GAS7: variants seen among roughly 807,000 people sequenced by gnomAD.
The protein encoded by GAS7 is growth arrest-specific protein 7.
A neutral mutation model predicts 71.1 loss-of-function variants in GAS7; 28 were observed. The ratio of observed to expected loss-of-function variants is 0.39; its 90% CI spans 0.29 to 0.54. The LOEUF (loss-of-function observed/expected upper bound fraction) is 0.54, where lower values mean the gene tolerates loss of function less well. Ranked by LOEUF, GAS7 falls within the 20% of genes least tolerant of loss-of-function variation. The pLI is 0.62. For synonymous variants in GAS7, 258 were observed against 245.8 expected, an observed-to-expected ratio of 1.05 and a Z score of -0.46; for missense variants, 436 against 627.8, an observed-to-expected ratio of 0.69 and a Z score of 3.27.
intron 1 of GAS7, among the ~76,000 whole-genome samples, chr17:10,070,256 C>T (rs1413170796): frequency 6.6e-6 from 1 of 151,818 alleles, no homozygotes; most frequent in Non-Finnish European, 1.5e-5. Flanking sequence ...ACTTTTGTGG[C>T]CACTAAGTCC....
chr17:10,030,200 T>C (rs1004936076), intron 1 of GAS7, among the ~76,000 whole-genome samples: 3 of 152,152 alleles, frequency 2.0e-5, no homozygotes, highest in Non-Finnish European at 2.9e-5. Flanking sequence ...CTCTACCGGG[T>C]TGTATTGGCC....
chr17:10,040,594 C>G (rs7215569), intron 1 of GAS7, among the ~76,000 whole-genome samples: 18,496 of 148,156 alleles, frequency 0.12, 1,363 homozygotes, highest in East Asian at 0.17. Flanking sequence ...TCTCTCTCCC[C>G]CCTCTCACCC....
At chr17:10,098,881 G>A (rs368738402) in intron 1 of GAS7, among the ~76,000 whole-genome samples, 8 of 152,248 alleles carry the variant, frequency 5.3e-5, no homozygotes, top group African/African-American at 7.2e-5. Context: ...GCGTGAACCC[G>A]GTAGGCGGAG....
chr17:9,920,633 C>A (rs957057902), intron 11 of GAS7, among the ~76,000 whole-genome samples: 2 of 152,204 alleles, frequency 1.3e-5, no homozygotes, highest in African/African-American at 4.8e-5. Flanking sequence ...GAATCAGAGA[C>A]TGCATGTTTA....
At chr17:10,193,766 G>T (rs2074519433) in intron 1 of GAS7, among the ~76,000 whole-genome samples, 1 of 152,114 alleles carries the variant, frequency 6.6e-6, no homozygotes, top group South Asian at 2.1e-4. Context: ...CAGTCTAGTT[G>T]AGCCTCCAAG....
Position 10,103,694 on chromosome 17 carries a change from C to T in GAS7, c.184-83797G>A, listed in dbSNP as rs899436664. On this transcript the variant is annotated intron_variant, in intron 1 of 13. Coordinates refer to ENST00000432992, the MANE Select transcript of GAS7 (RefSeq NM_201433.2). The surrounding 1 kb of genome is among the most constrained non-coding windows in gnomAD (Gnocchi z 5.5). Reference sequence around the variant, plus strand: ...TACAAAAATTAGCTGGGTGTGGTGGCACATGCCTGTAATCCCGGCTACTAG... The same window carrying T: ...TACAAAAATTAGCTGGGTGTGGTGGTACATGCCTGTAATCCCGGCTACTAG... Among the ~76,000 whole-genome samples, 28 of 152,040 alleles carry T rather than the reference C, an allele frequency of 1.8e-4. No individual in the cohort carries two copies. The highest frequency in any genetic ancestry group is 3.5e-4 in the Non-Finnish European group (24 of 68,010).
intron 1 of GAS7, among the ~76,000 whole-genome samples, chr17:10,045,798 C>G (rs1458709412): frequency 6.6e-6 from 1 of 152,182 alleles, no homozygotes; most frequent in Admixed American, 6.5e-5. Flanking sequence ...GCTTGGTTTC[C>G]CCTTCCTGCA....
At chr17:10,154,813 T>C (rs933100477) in intron 1 of GAS7, among the ~76,000 whole-genome samples, 7 of 151,724 alleles carry the variant, frequency 4.6e-5, no homozygotes, top group African/African-American at 1.7e-4. Flanking sequence ...TCACTATAGG[T>C]GAAAAGTGGT....
intron 1 of GAS7, among the ~76,000 whole-genome samples, chr17:10,056,147 T>TA (rs146061417): frequency 0.064 from 9,715 of 151,968 alleles, 652 homozygotes; most frequent in African/African-American, 0.18. Flanking sequence ...TCGCTTGAGT[T>TA]AAGGAGTTTG....
chr17:10,045,541 A>G (rs1051843256), intron 1 of GAS7, among the ~76,000 whole-genome samples: 3 of 152,162 alleles, frequency 2.0e-5, no homozygotes, highest in Non-Finnish European at 2.9e-5. Flanking sequence ...TACTAAAAAT[A>G]TAAAAATTAG....
intron 5 of GAS7, among the ~76,000 whole-genome samples, chr17:9,956,593 G>C (rs1016070981): frequency 2.0e-5 from 3 of 152,104 alleles, no homozygotes; most frequent in Admixed American, 2.0e-4. Context: ...CCCCACACCA[G>C]GGACAGCGGA....
chr17:10,098,961 A>G (rs1228312446), intron 1 of GAS7, among the ~76,000 whole-genome samples: 1 of 152,210 alleles, frequency 6.6e-6, no homozygotes, highest in Non-Finnish European at 1.5e-5. Context: ...ATCTCAAAAA[A>G]AGAAAATAAA....
At chr17:10,047,033 T>C (rs2072985726) in intron 1 of GAS7, among the ~76,000 whole-genome samples, 1 of 152,130 alleles carries the variant, frequency 6.6e-6, no homozygotes, top group Admixed American at 6.5e-5. Flanking sequence ...GGATTTGCAC[T>C]GACCTGAACA....
chr17:10,127,167 C>T (rs1567602724), intron 1 of GAS7, among the ~76,000 whole-genome samples: 1 of 152,118 alleles, frequency 6.6e-6, no homozygotes, highest in African/African-American at 2.4e-5. Context: ...GCATTTTGAA[C>T]CCTAAATCAA....
At chr17:9,990,965 C>T (rs1425363176) in intron 2 of GAS7, among the ~76,000 whole-genome samples, 2 of 152,298 alleles carry the variant, frequency 1.3e-5, no homozygotes, top group Non-Finnish European at 2.9e-5. Context: ...TATTTGGCCT[C>T]GGTTTCCCTG....
chr17:10,194,010 CCTGCAGCACAA>C (rs145993857), intron 1 of GAS7, among the ~76,000 whole-genome samples: 2,043 of 152,296 alleles, frequency 0.013, 23 homozygotes, highest in Middle Eastern at 0.027. Flanking sequence ...CTTATCAACT[CCTGCAGCACAA>C]CTGCATGAAC....
chr17:9,981,713 G>T lies in GAS7; in HGVS notation c.385+91C>A. The T allele has an allele frequency of 1.3e-6, 1 of 793,630 alleles. No homozygotes were observed. The allele number at this position is 793,630 out of a possible 1,614,324, so 49.2% of individuals were successfully genotyped here. A position where few individuals can be genotyped will look rare whatever the true frequency, so the allele number is the denominator to read the frequency against. ...TCCCTGGGTTTGCTACATCAGCCAG[G>T]TTTAAGACCCAGGACCCATCATCTC... On this transcript the variant is annotated intron_variant, in intron 3 of 13. Coordinates refer to ENST00000432992, the MANE Select transcript of GAS7 (RefSeq NM_201433.2). This position sits in a 1 kb window ranked among gnomAD's most constrained non-coding sequence, Gnocchi z 4.4.
At chr17:9,953,926 C>T (rs2069119555) in intron 5 of GAS7, among the ~76,000 whole-genome samples, 2 of 152,208 alleles carry the variant, frequency 1.3e-5, no homozygotes, top group Admixed American at 1.3e-4. Flanking sequence ...GAATGTAAGG[C>T]ATCATCTCTG....
chr17:10,085,499 C>T (rs1012266214), intron 1 of GAS7, among the ~76,000 whole-genome samples: 63 of 151,884 alleles, frequency 4.1e-4, no homozygotes, highest in Non-Finnish European at 8.1e-4. Flanking sequence ...CTGGCTAACA[C>T]GGTGAAACCC....
Sources: allele counts gnomAD v4.1 joint callset (sites outside exome capture counted in the v4.1 genomes callset), GRCh38; gene constraint gnomAD v4.1.1; non-coding constraint Gnocchi (gnomAD v3.1); transcripts MANE v1.5; gene names NCBI Gene and HGNC (gene_info 2026-07-23, HGNC 2026-07-21).